Variants in GALNT8 observed in about 807,000 individuals in gnomAD.
GALNT8 encodes the protein probable polypeptide N-acetylgalactosaminyltransferase 8.
A neutral mutation model predicts 62.7 loss-of-function variants in GALNT8; 66 were observed. That is an observed-to-expected ratio of 1.05 (90% CI 0.86 to 1.29). GALNT8 has a LOEUF of 1.29. Among genes scored for constraint, GALNT8 ranks in the 50% most tolerant of loss-of-function variants. GALNT8 has a pLI of 0.00. For synonymous variants in GALNT8, 288 were observed against 294.3 expected (o/e 0.98, Z 0.22); for missense variants, 771 against 791.8 (o/e 0.97, Z 0.32).
At chr12:4,758,590 C>T (rs970028403) in intron 6 of GALNT8, among the ~76,000 whole-genome samples, 2 of 141,644 alleles carry the variant, frequency 1.4e-5, no homozygotes, top group African/African-American at 5.3e-5. Flanking sequence ...TTATTATCAG[C>T]AGAAGCTTAA....
intron 10 of GALNT8, chr12:4,768,408 C>CT (rs763223145): frequency 2.4e-4 from 88 of 373,852 alleles, no homozygotes; most frequent in Middle Eastern, 4.6e-4. Context: ...TTTTTCATAT[C>CT]TTTTTTTTGT....
At chr12:4,734,139 CCTT>C (rs1309558635) in intron 2 of GALNT8, among the ~76,000 whole-genome samples, 1 of 152,190 alleles carries the variant, frequency 6.6e-6, no homozygotes, top group Non-Finnish European at 1.5e-5. Flanking sequence ...GAGGATTACT[CCTT>C]CTCCTCCTAC....
At chr12:4,742,454 T>C (rs1164886244) in intron 3 of GALNT8, among the ~76,000 whole-genome samples, 1 of 152,268 alleles carries the variant, frequency 6.6e-6, no homozygotes, top group Non-Finnish European at 1.5e-5. Flanking sequence ...GTTTCTACCA[T>C]GTGCTAGCCA....
At position 4,758,903 on chromosome 12, in the gene GALNT8, G is replaced by A. The variant is rs1295685007; in HGVS notation, c.1174-2055G>A. Among the ~76,000 whole-genome samples, 3 of 151,840 alleles carry A rather than the reference G, an allele frequency of 2.0e-5. No individual in the cohort carries two copies. In the East Asian group the frequency reaches 5.8e-4, roughly 29 times the overall value. On this transcript the variant is annotated intron_variant, in intron 6 of 10. Coordinates refer to ENST00000252318, the MANE Select transcript of GALNT8 (RefSeq NM_017417.2). The stretch of plus-strand genomic sequence containing the variant: ...GTGATTCTCCTGCCTCAGCTCCTGA[G>A]TAGCTGGAATTACAGGTGTGCACCA...
chr12:4,725,445 T>A (rs1373526795), intron 1 of GALNT8, among the ~76,000 whole-genome samples: 3 of 152,172 alleles, frequency 2.0e-5, no homozygotes, highest in Non-Finnish European at 4.4e-5. Context: ...TAGATTTATA[T>A]AGACCAATTG....
intron 6 of GALNT8, among the ~76,000 whole-genome samples, chr12:4,757,458 A>G (rs1946350168): frequency 1.3e-5 from 2 of 152,260 alleles, no homozygotes; most frequent in Non-Finnish European, 2.9e-5. Context: ...CAGTTTGAAC[A>G]TAAGCAGTTC....
chr12:4,745,108 T>C (rs916301635), intron 4 of GALNT8, among the ~76,000 whole-genome samples: 4 of 152,150 alleles, frequency 2.6e-5, no homozygotes, highest in Admixed American at 1.3e-4. Context: ...AAGCATCACT[T>C]TGGAAACGGA....
intron 3 of GALNT8, among the ~76,000 whole-genome samples, chr12:4,739,717 T>C (rs1467085322): frequency 5.3e-5 from 8 of 150,290 alleles, no homozygotes; most frequent in South Asian, 2.1e-4. Flanking sequence ...CAGGCTAGAG[T>C]GCAGTGGTGG....
At chr12:4,722,817 G>T (rs1450030051) in intron 1 of GALNT8, among the ~76,000 whole-genome samples, 2 of 151,998 alleles carry the variant, frequency 1.3e-5, no homozygotes, top group African/African-American at 4.8e-5. Flanking sequence ...ATGGGTGGAA[G>T]GAAAGGCAGG....
chr12:4,762,674 CT>C (rs142289200), intron 7 of GALNT8, among the ~76,000 whole-genome samples: 1 of 152,346 alleles, frequency 6.6e-6, no homozygotes, highest in African/African-American at 2.4e-5. Flanking sequence ...GGTTTTTCCA[CT>C]TTCTCTGGAA....
rs760898970 is a variant in GALNT8, at chr12:4,726,771, G to A, written c.451G>A (p.Ala151Thr). ...CCTCTTCCGGAAGTTTGGTTACAAC[G>A]CGTACCTCAGCAACCAGCTGCCTCT... ...QDLFRKFGYN[A>T]YLSNQLPLNR... Residue 151 changes from alanine to threonine, a missense_variant, in exon 2 of 11, where the codon GCG becomes ACG. Transcript: ENST00000252318. The surrounding 1 kb of genome is among the most constrained non-coding windows in gnomAD (Gnocchi z 4.1). 27 of 1,613,984 alleles carry A rather than the reference G, an allele frequency of 1.7e-5. 1 individual carries two copies. The highest frequency in any genetic ancestry group is 1.7e-4 in the Middle Eastern group (1 of 6,058).
chr12:4,733,746 G>C (rs1044089345), intron 2 of GALNT8, among the ~76,000 whole-genome samples: 1 of 152,194 alleles, frequency 6.6e-6, no homozygotes, highest in Admixed American at 6.5e-5. Context: ...TCCAAGGCTC[G>C]TTTCTGCTGG....
At chr12:4,745,280 G>A (rs1463614310) in intron 4 of GALNT8, 149 bp from the exon 5 acceptor site, 3 of 627,976 alleles carry the variant, frequency 4.8e-6, no homozygotes, top group African/African-American at 1.8e-5. Context: ...AGATTCTCTG[G>A]ACTCTAGAGA....
rs766654520 is a variant in GALNT8 at position 4,745,535 on chromosome 12, G to A, written c.967G>A (p.Ala323Thr). 4 of 1,613,088 alleles carry A rather than the reference G, an allele frequency of 2.5e-6. No individual in the cohort carries two copies. Among genetic ancestry groups the A allele is most frequent in the South Asian group, 1.1e-5 (1 of 91,066 alleles). The change falls in exon 5 of 11, where the codon GCA becomes ACA. Residue 323 changes from alanine to threonine, a missense_variant. Ala to Thr is a moderately conservative substitution (Grantham distance 58). Transcript: ENST00000252318. ...CTTCAAACTGGATAAGTATGAACTGGCAGTTGATGGGTTTAACTGGGAACT... is the reference window on the plus strand; with the variant it reads ...CTTCAAACTGGATAAGTATGAACTGACAGTTGATGGGTTTAACTGGGAACT... Reference protein sequence around the residue: ...DTFKLDKYELAVDGFNWELWC... With the variant: ...DTFKLDKYELTVDGFNWELWC...
intron 2 of GALNT8, among the ~76,000 whole-genome samples, chr12:4,738,337 C>G (rs1946255258): frequency 6.6e-6 from 1 of 152,066 alleles, no homozygotes; most frequent in South Asian, 2.1e-4. Flanking sequence ...AAAATGACAG[C>G]AAATCTTGGG....
chr12:4,765,527 TATATTGGG>T lies in GALNT8; in HGVS notation c.1745_1752del (p.Tyr582PhefsTer2). ...AAGGCAGCTAAGAATAGACTGCATATATATTGGGATTTTAAACCGGTGAGTTATGTGTT... is the reference window on the plus strand; with the variant it reads ...AAGGCAGCTAAGAATAGACTGCATATATTTTAAACCGGTGAGTTATGTGTT... On this transcript the variant is annotated frameshift_variant, in exon 10 of 11. Coordinates refer to ENST00000252318, the MANE Select transcript of GALNT8 (RefSeq NM_017417.2). LOFTEE classifies it low-confidence loss of function (END_TRUNC). 6.2e-7 allele frequency: 1 copy of T among 1,601,418 alleles called. No individual in the cohort carries two copies. The highest frequency in any genetic ancestry group is 1.1e-5 in the South Asian group (1 of 88,712).
chr12:4,733,908 A>G (rs1946231663), intron 2 of GALNT8, among the ~76,000 whole-genome samples: 1 of 152,194 alleles, frequency 6.6e-6, no homozygotes, highest in Admixed American at 6.5e-5. Flanking sequence ...ACTCAGAGGC[A>G]TCTCAGACTC....
chr12:4,762,838 C>T (rs150385530), intron 7 of GALNT8, among the ~76,000 whole-genome samples: 5 of 152,214 alleles, frequency 3.3e-5, no homozygotes, highest in Non-Finnish European at 7.3e-5. Context: ...ATGAATGATT[C>T]GCAAATGCGG....
In GALNT8 at chr12:4,745,573, C is replaced by T. The variant is rs762399135; in HGVS notation, c.1005C>T (p.Tyr335=). ...DGFNWELWCR[Y]DALPQAWIDL... ...TTAACTGGGAACTCTGGTGCCGCTA[C>T]GATGCACTGCCACAAGCCTGGATTG... Residue 335 remains tyrosine (Y), a synonymous_variant, in exon 5 of 11, where the codon TAC becomes TAT. Transcript: ENST00000252318. 38 of 1,613,888 alleles carry T rather than the reference C, an allele frequency of 2.4e-5. No individual in the cohort carries two copies. Among genetic ancestry groups the T allele is most frequent in the Non-Finnish European group, 2.9e-5 (34 of 1,179,842 alleles).
Sources: gnomAD v4.1 joint callset for allele counts (sites outside exome capture counted in the v4.1 genomes callset) on GRCh38, gnomAD v4.1.1 for gene constraint, Gnocchi (gnomAD v3.1) non-coding constraint, MANE v1.5 for transcripts, NCBI Gene and HGNC (gene_info 2026-07-23, HGNC 2026-07-21) for gene names.